The following MYO5B variants were observed in gnomAD, a reference collection of about 807,000 sequenced individuals.
MYO5B encodes the protein unconventional myosin-Vb.
In MYO5B, 143 loss-of-function variants were observed where a neutral mutation model predicts 229.3. The ratio of observed to expected loss-of-function variants is 0.62; its 90% confidence interval spans 0.54 to 0.72. The LOEUF is 0.72. MYO5B is among the 30% of genes least tolerant of loss of function. The pLI is 0.00. For missense variants in MYO5B, 2,321 were observed against 2,331.0 expected (o/e 1.00, Z 0.09); for synonymous variants, 918 against 885.2 (o/e 1.04, Z -0.66).
chr18:49,835,559 A>G lies in MYO5B; in HGVS notation c.5314-135T>C, dbSNP rs995813815. 6 of 673,174 alleles carry G rather than the reference A, an allele frequency of 8.9e-6. No individual in the cohort carries two copies. In the African/African-American group the frequency reaches 1.1e-4, roughly 12 times the overall value. 41.7% of individuals were successfully genotyped at this position (673,174 alleles called of 1,614,324 possible). On this transcript the variant is annotated intron_variant, in intron 38 of 39. Transcript: ENST00000285039. ...AGGCCCACAACACAGATGGAGCTGG[A>G]CTGACATTTACACTTGGAGCCTGCA...
Position 49,990,426 on chromosome 18 carries a change from C to A in MYO5B, c.838+13G>T, listed in dbSNP as rs1330771392. On this transcript the variant is annotated intron_variant, in intron 7 of 39. Coordinates refer to ENST00000285039, the MANE Select transcript of MYO5B (RefSeq NM_001080467.3). ...GCCCACCCCAGAGGATAGGCATGCA[C>A]CTGTTGACTTACTTAGTGCAAGCTC... The A allele has an allele frequency of 6.2e-7, 1 of 1,609,858 alleles. No homozygotes were observed. The highest frequency in any genetic ancestry group is 2.2e-5 in the East Asian group (1 of 44,822).
intron 4 of MYO5B, among the ~76,000 whole-genome samples, chr18:50,033,879 C>T (rs956564253): frequency 2.6e-5 from 4 of 151,878 alleles, no homozygotes; most frequent in African/African-American, 9.7e-5. Flanking sequence ...CTCTAACTTT[C>T]CTCCAGCACT....
intron 27 of MYO5B, among the ~76,000 whole-genome samples, chr18:49,867,797 G>A (rs1242464019): frequency 6.6e-6 from 1 of 152,082 alleles, no homozygotes; most frequent in African/African-American, 2.4e-5. Context: ...AAACTGATCC[G>A]TGTTCCATAA....
intron 27 of MYO5B, among the ~76,000 whole-genome samples, chr18:49,867,276 G>A (rs1223240032): frequency 1.3e-5 from 2 of 150,438 alleles, no homozygotes; most frequent in Non-Finnish European, 2.9e-5. Flanking sequence ...GATGTGGGAA[G>A]TGAGTGGGAA....
chr18:49,987,458 A>C (rs188398193), intron 7 of MYO5B, among the ~76,000 whole-genome samples: 82 of 152,228 alleles, frequency 5.4e-4, no homozygotes, highest in African/African-American at 1.9e-3. Flanking sequence ...ATCCCATCCC[A>C]AAGCAACTTC....
rs546093363 is a variant in MYO5B at position 49,994,237 on chromosome 18, A to C, written c.613-1806T>G. ...CATATGCGGTTAACCCTCTGTGTTC[A>C]TGAGGGCAAAGATTATACATCTGCT... On this transcript the variant is annotated intron_variant, in intron 5 of 39. Transcript: ENST00000285039. Among the ~76,000 whole-genome samples the C allele has an allele frequency of 1.1e-3, 162 of 152,280 alleles. 1 individual carries two copies. The highest frequency in any genetic ancestry group is 2.1e-3 in the Non-Finnish European group (140 of 68,016).
intron 6 of MYO5B, 93 bp from the exon 7 acceptor site, chr18:49,990,613 G>T: frequency 9.7e-7 from 1 of 1,028,570 alleles, no homozygotes; most frequent in Non-Finnish European, 1.5e-6. Context: ...AGGTGGTGGA[G>T]GCTGAGCCCC....
intron 17 of MYO5B, among the ~76,000 whole-genome samples, chr18:49,920,987 C>T (rs2025068260): frequency 1.3e-5 from 2 of 152,154 alleles, no homozygotes; most frequent in South Asian, 4.1e-4. Context: ...CATATCATTC[C>T]AAAATCAGTT....
intron 10 of MYO5B, among the ~76,000 whole-genome samples, chr18:49,973,027 A>G (rs1203902151): frequency 1.3e-5 from 2 of 151,916 alleles, no homozygotes; most frequent in Non-Finnish European, 2.9e-5. Context: ...ATCCAGTTCA[A>G]ATCTTAGCTC....
rs556051126 is a variant in MYO5B at position 50,096,705 on chromosome 18, T to G, written c.28-41327A>C. Among the ~76,000 whole-genome samples the G allele has an allele frequency of 2.0e-5, 3 of 152,166 alleles. No homozygotes were observed. In the South Asian group the frequency reaches 6.2e-4, roughly 31 times the overall value. ...AAATAAGCACAAGTCCTTTCCTACTTTGTTCACAATACATACTCTTAAAAA... is the reference window on the plus strand; with the variant it reads ...AAATAAGCACAAGTCCTTTCCTACTGTGTTCACAATACATACTCTTAAAAA... On this transcript the variant is annotated intron_variant, in intron 1 of 39. Transcript: ENST00000285039.
chr18:50,090,059 C>T (rs1455495420), intron 1 of MYO5B, among the ~76,000 whole-genome samples: 1 of 152,190 alleles, frequency 6.6e-6, no homozygotes, highest in African/African-American at 2.4e-5. Flanking sequence ...TTCCCTCTCT[C>T]GGCTTTGGAG....
intron 27 of MYO5B, 89 bp downstream of exon 27, chr18:49,872,078 G>T: frequency 2.5e-6 from 3 of 1,218,564 alleles, no homozygotes; most frequent in Non-Finnish European, 1.2e-6. Flanking sequence ...GCAGACTGGG[G>T]CTCAGGGCCT....
At chr18:50,165,368 AGCTATCTGGGCTCAGGTGGG>A (rs764035264) in intron 1 of MYO5B, among the ~76,000 whole-genome samples, 69 of 152,298 alleles carry the variant, frequency 4.5e-4, no homozygotes, top group Non-Finnish European at 7.9e-4. Context: ...CTATGGTCCC[AGCTATCTGGGCTCAGGTGGG>A]AGAATCACTT....
At chr18:49,878,180 C>CA (rs2024548110) in intron 24 of MYO5B, among the ~76,000 whole-genome samples, 1 of 152,140 alleles carries the variant, frequency 6.6e-6, no homozygotes, top group African/African-American at 2.4e-5. Context: ...TTGAAATGCA[C>CA]AAAGGCAGTC....
At chr18:49,866,002 C>T (rs1377994618) in intron 27 of MYO5B, among the ~76,000 whole-genome samples, 1 of 152,190 alleles carries the variant, frequency 6.6e-6, no homozygotes, top group Non-Finnish European at 1.5e-5. Context: ...CCTTTCTGGT[C>T]AACAGTGCCA....
intron 13 of MYO5B, 29 bp from the exon 14 acceptor site, chr18:49,953,372 C>G (rs754858089): frequency 6.3e-7 from 1 of 1,597,840 alleles, no homozygotes; most frequent in South Asian, 1.1e-5. Context: ...GAGAGAGACA[C>G]AGTCGTTAGT....
chr18:50,063,736 C>G (rs766719739), intron 1 of MYO5B: 31 of 152,326 alleles, frequency 2.0e-4, no homozygotes, highest in Non-Finnish European at 4.3e-4. Flanking sequence ...TGTATCGTAT[C>G]ATCTCAACCC....
chr18:50,003,992 T>A (rs899951092), intron 4 of MYO5B, among the ~76,000 whole-genome samples: 8 of 152,128 alleles, frequency 5.3e-5, no homozygotes, highest in African/African-American at 1.9e-4. Context: ...GAGACCCAGT[T>A]GACAGGTTAC....
intron 22 of MYO5B, among the ~76,000 whole-genome samples, chr18:49,890,371 T>A (rs1228201627): frequency 1.0e-5 from 1 of 99,356 alleles, no homozygotes; most frequent in Non-Finnish European, 2.4e-5. Context: ...AGCTCCTTTT[T>A]TTGGACTGGG....
Sources: allele counts gnomAD v4.1 joint callset (sites outside exome capture counted in the v4.1 genomes callset), GRCh38; gene constraint gnomAD v4.1.1; transcripts MANE v1.5; gene names NCBI Gene and HGNC (gene_info 2026-07-23, HGNC 2026-07-21).